RBFOX1: variants seen among roughly 807,000 people sequenced by gnomAD.
The protein encoded by RBFOX1 is RNA binding fox-1 homolog 1, also known as RNA binding protein fox-1 homolog 1.
A neutral mutation model predicts 57.7 loss-of-function variants in RBFOX1; 8 were observed. The ratio of observed to expected loss-of-function variants is 0.14; its 90% CI spans 0.08 to 0.25. The LOEUF (loss-of-function observed/expected upper bound fraction) is 0.25. Ranked by LOEUF, RBFOX1 falls within the 10% of genes least tolerant of loss-of-function variation. The pLI is 1.00. For missense variants in RBFOX1, 611 were observed against 548.5 expected (o/e 1.11, Z -1.14); for synonymous variants, 326 against 222.4 (o/e 1.47, Z -4.15).
intron 2 of RBFOX1, among the ~76,000 whole-genome samples, chr16:6,622,075 G>A (rs1259482665): frequency 6.6e-6 from 1 of 152,070 alleles, no homozygotes; most frequent in African/African-American, 2.4e-5. Context: ...ATGTGGAAAG[G>A]GAATATGTAT....
intron 3 of RBFOX1, among the ~76,000 whole-genome samples, chr16:6,933,310 G>C (rs971669927): frequency 2.8e-4 from 42 of 152,148 alleles, no homozygotes; most frequent in Non-Finnish European, 4.4e-5. Flanking sequence ...TTTAGTAACC[G>C]ACATACTCTT....
Position 7,034,020 on chromosome 16 carries a change from C to G in RBFOX1, c.-15-18037C>G, listed in dbSNP as rs562602679. Among the ~76,000 whole-genome samples, 254 of 152,244 alleles carry G rather than the reference C, an allele frequency of 1.7e-3. 1 individual carries two copies. The highest frequency in any genetic ancestry group is 3.0e-3 in the Non-Finnish European group (202 of 68,010). ...CATTTAATTCAATACTTAGTGAATA[C>G]TTGGATTTCTCTCCATTGCGGAGAT... On this transcript the variant is annotated intron_variant, in intron 3 of 15. Coordinates refer to ENST00000550418, the MANE Select transcript of RBFOX1 (RefSeq NM_018723.4).
At chr16:7,123,265 T>C (rs577132169) in intron 4 of RBFOX1, among the ~76,000 whole-genome samples, 1 of 152,346 alleles carries the variant, frequency 6.6e-6, no homozygotes, top group Non-Finnish European at 1.5e-5. Flanking sequence ...TTTGTTGTTA[T>C]ATCTCCAGCC....
intron 2 of RBFOX1, among the ~76,000 whole-genome samples, chr16:6,504,921 T>G (rs918791357): frequency 5.9e-5 from 9 of 151,814 alleles, no homozygotes; most frequent in African/African-American, 2.2e-4. Flanking sequence ...AATTTTGTAA[T>G]TTTTTAACTG....
At chr16:7,660,670 C>G (rs975010666) in intron 12 of RBFOX1, among the ~76,000 whole-genome samples, 6 of 152,148 alleles carry the variant, frequency 3.9e-5, no homozygotes, top group Non-Finnish European at 5.9e-5. Context: ...AGCTATGATT[C>G]TCATATTCCT....
chr16:7,243,809 C>G (rs2094172120), intron 4 of RBFOX1, among the ~76,000 whole-genome samples: 1 of 152,128 alleles, frequency 6.6e-6, no homozygotes, highest in African/African-American at 2.4e-5. Context: ...CCTAGCCTCC[C>G]AAAGTGCTGG....
chr16:5,976,460 G>A (rs1307490350), intron 4 of RBFOX1, among the ~76,000 whole-genome samples: 1 of 152,198 alleles, frequency 6.6e-6, no homozygotes, highest in Non-Finnish European at 1.5e-5. Context: ...GCATGGTAGA[G>A]AGAGTGATGT....
intron 3 of RBFOX1, among the ~76,000 whole-genome samples, chr16:7,005,118 T>C (rs1480338872): frequency 6.6e-6 from 1 of 152,114 alleles, no homozygotes; most frequent in African/African-American, 2.4e-5. Flanking sequence ...CACTCCAGCC[T>C]GGGTGACAAG....
At chr16:5,783,167 A>C (rs993841554) in intron 3 of RBFOX1, among the ~76,000 whole-genome samples, 44 of 152,306 alleles carry the variant, frequency 2.9e-4, no homozygotes, top group Admixed American at 3.9e-4. Flanking sequence ...ACATGCAAAA[A>C]CACACAATAT....
chr16:7,598,234 T>C lies in RBFOX1; in HGVS notation c.622+803T>C, dbSNP rs189049726. Among the ~76,000 whole-genome samples, 821 of 152,250 alleles carry C rather than the reference T, an allele frequency of 5.4e-3. 3 individuals carry two copies. The highest frequency in any genetic ancestry group is 7.6e-3 in the Non-Finnish European group (517 of 68,018). On this transcript the variant is annotated intron_variant, in intron 9 of 15. Transcript: ENST00000550418. ...GTTAAAGTATATACACATGGTAGAA[T>C]ATTATACCCATTAAAATGAGCAGGA...
chr16:6,984,552 A>T (rs1488095890), intron 3 of RBFOX1, among the ~76,000 whole-genome samples: 3 of 152,168 alleles, frequency 2.0e-5, no homozygotes, highest in Non-Finnish European at 2.9e-5. Flanking sequence ...GCAGCAGCCC[A>T]TTGAGTTCCG....
At chr16:6,535,355 G>A (rs767983242) in intron 2 of RBFOX1, among the ~76,000 whole-genome samples, 1 of 152,184 alleles carries the variant, frequency 6.6e-6, no homozygotes, top group Admixed American at 6.5e-5. Flanking sequence ...TATGAGGTCA[G>A]TGTGGGATAA....
At chr16:6,437,886 C>G (rs775082078) in intron 2 of RBFOX1, among the ~76,000 whole-genome samples, 1 of 152,152 alleles carries the variant, frequency 6.6e-6, no homozygotes, top group Non-Finnish European at 1.5e-5. Context: ...CCTCCTCCAA[C>G]ATTAAGAGTT....
At chr16:7,333,236 T>A in intron 4 of RBFOX1, 1 of 696,662 alleles carries the variant, frequency 1.4e-6, no homozygotes, top group Non-Finnish European at 2.5e-6. Flanking sequence ...ATCAAAAAGA[T>A]GGATCACCCT....
intron 3 of RBFOX1, among the ~76,000 whole-genome samples, chr16:6,852,531 A>G (rs1465813722): frequency 3.9e-5 from 6 of 152,232 alleles, no homozygotes; most frequent in Admixed American, 3.9e-4. Context: ...TGTCTCAGAA[A>G]TTAACTTTGG....
chr16:6,216,989 G>T (rs2097339798), intron 1 of RBFOX1, among the ~76,000 whole-genome samples: 1 of 151,828 alleles, frequency 6.6e-6, no homozygotes, highest in African/African-American at 2.4e-5. Flanking sequence ...GCCCTTTGGT[G>T]TATGCTTGGA....
At chr16:5,951,983 G>A (rs559746567) in intron 4 of RBFOX1, among the ~76,000 whole-genome samples, 9 of 150,082 alleles carry the variant, frequency 6.0e-5, no homozygotes, top group Non-Finnish European at 1.2e-4. Flanking sequence ...TGGGGGCCTC[G>A]CATATATATA....
At position 6,602,474 on chromosome 16, in the gene RBFOX1, A is replaced by C. The variant is rs189326926; in HGVS notation, c.-63-52129A>C. Among the ~76,000 whole-genome samples the C allele has an allele frequency of 8.1e-4, 123 of 152,216 alleles. 2 individuals are homozygous for C. The East Asian group carries it at 0.015, about 18-fold the overall frequency. On this transcript the variant is annotated intron_variant, in intron 2 of 15. Coordinates refer to ENST00000550418, the MANE Select transcript of RBFOX1 (RefSeq NM_018723.4). ...GGTGAATCTCATGACTCCAGCTGGA[A>C]GGAGAGAGGATCAGTCTGTGCTGAA...
chr16:5,620,428 G>A (rs1231228009), intron 3 of RBFOX1, among the ~76,000 whole-genome samples: 1 of 152,174 alleles, frequency 6.6e-6, no homozygotes, highest in Non-Finnish European at 1.5e-5. Flanking sequence ...GGCTGGGGCT[G>A]CCATCACAGA....
Sources: gnomAD v4.1 joint callset for allele counts (sites outside exome capture counted in the v4.1 genomes callset) on GRCh38, gnomAD v4.1.1 for gene constraint, MANE v1.5 for transcripts, NCBI Gene and HGNC (gene_info 2026-07-23, HGNC 2026-07-21) for gene names.